FSTL4: variants seen among roughly 807,000 people sequenced by gnomAD.
FSTL4 encodes the protein follistatin-related protein 4.
A neutral mutation model predicts 78.2 loss-of-function variants in FSTL4; 28 were observed. The observed-to-expected ratio is 0.36, with a 90% CI of 0.27 to 0.49. The LOEUF is 0.49. Among genes scored for constraint, FSTL4 ranks in the 20% least tolerant of loss-of-function variants. The probability of loss-of-function intolerance (pLI) is 0.98; values close to 1 mark genes in which losing one functional copy is unlikely to be tolerated. For synonymous variants in FSTL4, 422 were observed against 440.5 expected (o/e 0.96, Z 0.53); for missense variants, 922 against 1,084.9 (o/e 0.85, Z 2.11).
the FSTL4 span, among the ~76,000 whole-genome samples, chr5:133,656,123 G>A: frequency 6.6e-6 from 1 of 152,152 alleles, no homozygotes; most frequent in Non-Finnish European, 1.5e-5. Context: ...GGATTCATGG[G>A]CAGGTAGTTT....
At chr5:133,342,108 AAAGGGAGCTGG>A (rs921982077) in intron 4 of FSTL4, among the ~76,000 whole-genome samples, 1 of 152,106 alleles carries the variant, frequency 6.6e-6, no homozygotes, top group Non-Finnish European at 1.5e-5. Flanking sequence ...GAGTGGCAGG[AAAGGGAGCTGG>A]AAGGAGAGCC....
At position 133,197,222 on chromosome 5, in the gene FSTL4, T is replaced by C. The variant is rs1236229054; in HGVS notation, c.*1873A>G. On this transcript the variant is annotated 3_prime_UTR_variant, in exon 16 of 16. Coordinates refer to ENST00000265342, the MANE Select transcript of FSTL4 (RefSeq NM_015082.2). ...TTTCCAAAAAAAAGTTTATGAAAGTTGGAGAATTTTAGTGGTAAAAATGGG... is the reference window on the plus strand; with the variant it reads ...TTTCCAAAAAAAAGTTTATGAAAGTCGGAGAATTTTAGTGGTAAAAATGGG... 2 of 151,224 alleles carry C rather than the reference T, an allele frequency of 1.3e-5. No individual in the cohort carries two copies. The highest frequency in any genetic ancestry group is 2.4e-5 in the African/African-American group (1 of 40,996). The allele number at this position is 151,224 out of a possible 1,614,324, so 9.4% of individuals were successfully genotyped here. A position where few individuals can be genotyped will look rare whatever the true frequency, so the allele number is the denominator to read the frequency against.
the FSTL4 span, among the ~76,000 whole-genome samples, chr5:133,722,147 G>A: frequency 1.3e-5 from 2 of 152,192 alleles, no homozygotes; most frequent in East Asian, 1.9e-4. Context: ...ATAGCAGGAG[G>A]TGAGTGAGTA....
chr5:133,246,303 A>T (rs1383243819), intron 7 of FSTL4, among the ~76,000 whole-genome samples: 1 of 152,080 alleles, frequency 6.6e-6, no homozygotes, highest in Non-Finnish European at 1.5e-5. Flanking sequence ...TCAGTGTTGC[A>T]CTCCTGGGCT....
At chr5:133,464,180 C>T (rs72787327) in intron 3 of FSTL4, among the ~76,000 whole-genome samples, 32,639 of 152,148 alleles carry the variant, frequency 0.21, 4,202 homozygotes, top group Admixed American at 0.3. Flanking sequence ...CCGCCCCTCC[C>T]CGTCTGCACA....
intron 6 of FSTL4, among the ~76,000 whole-genome samples, chr5:133,295,070 G>C (rs533025299): frequency 1.3e-5 from 2 of 152,014 alleles, no homozygotes; most frequent in African/African-American, 4.8e-5. Context: ...AGATCACTCC[G>C]CCTCCTCTGC....
At chr5:133,515,275 C>T (rs1018558957) in intron 3 of FSTL4, among the ~76,000 whole-genome samples, 1 of 151,972 alleles carries the variant, frequency 6.6e-6, no homozygotes, top group African/African-American at 2.4e-5. Context: ...ACCTGTAATG[C>T]CAGCACTTTG....
At chr5:133,273,880 C>T (rs1189924207) in intron 6 of FSTL4, among the ~76,000 whole-genome samples, 1 of 152,132 alleles carries the variant, frequency 6.6e-6, no homozygotes. Flanking sequence ...GCAGGAGGTG[C>T]TGACACACAG....
At chr5:133,669,340 C>A in the FSTL4 span, among the ~76,000 whole-genome samples, 1 of 152,228 alleles carries the variant, frequency 6.6e-6, no homozygotes, top group African/African-American at 2.4e-5. Context: ...AGGCTCCAGG[C>A]TGGCCACCCT....
Position 133,466,467 on chromosome 5 carries a change from A to G in FSTL4, c.161-65481T>C, listed in dbSNP as rs575026203. Among the ~76,000 whole-genome samples the G allele has an allele frequency of 9.7e-4, 148 of 152,050 alleles. No homozygotes were observed. In the Middle Eastern group the frequency reaches 0.01, roughly 10 times the overall value. On this transcript the variant is annotated intron_variant, in intron 3 of 15. Transcript: ENST00000265342. ...TGAGGCAGGAGAATGGCGTGAACCC[A>G]GGAGGCGGAGCTTGCAGTGAGCCGA... is the stretch of plus-strand genomic sequence containing the variant.
chr5:133,329,359 C>T lies in FSTL4; in HGVS notation c.410-12707G>A, dbSNP rs540212226. Among the ~76,000 whole-genome samples the T allele has an allele frequency of 1.1e-4, 16 of 151,948 alleles. No homozygotes were observed. The South Asian group carries it at 3.4e-3, about 32-fold the overall frequency. On this transcript the variant is annotated intron_variant, in intron 4 of 15. Coordinates refer to ENST00000265342, the MANE Select transcript of FSTL4 (RefSeq NM_015082.2). ...ACTTCTGCTGGCCTGGTGTATTAGT[C>T]GGGGTTCTCTTAGAGGGCCAGAACT...
chr5:133,221,920 T>G (rs963374644), intron 11 of FSTL4, among the ~76,000 whole-genome samples: 1 of 130,402 alleles, frequency 7.7e-6, no homozygotes, highest in African/African-American at 3.2e-5. Flanking sequence ...TTTTTTTTTT[T>G]TTTTTTTAGC....
chr5:133,391,208 G>A (rs1046421800), intron 4 of FSTL4, among the ~76,000 whole-genome samples: 1 of 152,154 alleles, frequency 6.6e-6, no homozygotes, highest in Admixed American at 6.5e-5. Context: ...TTCAATACAT[G>A]GTGTCATTTA....
At chr5:133,779,336 C>T in the FSTL4 span, among the ~76,000 whole-genome samples, 1 of 152,160 alleles carries the variant, frequency 6.6e-6, no homozygotes, top group East Asian at 1.9e-4. Flanking sequence ...CTTGTAATCT[C>T]AGCACTTTGG....
chr5:133,206,492 G>C (rs755634670), intron 14 of FSTL4, among the ~76,000 whole-genome samples: 1 of 152,080 alleles, frequency 6.6e-6, no homozygotes, highest in East Asian at 1.9e-4. Flanking sequence ...CTCCTGAGTC[G>C]CTGGGATTAC....
chr5:133,353,724 A>G (rs13170171), intron 4 of FSTL4, among the ~76,000 whole-genome samples: 2 of 152,188 alleles, frequency 1.3e-5, no homozygotes, highest in African/African-American at 4.8e-5. Context: ...AACTGTACAC[A>G]AGCGCACACA....
chr5:133,374,251 C>T (rs1055815718), intron 4 of FSTL4, among the ~76,000 whole-genome samples: 5 of 152,140 alleles, frequency 3.3e-5, no homozygotes, highest in Admixed American at 6.5e-5. Context: ...TTCTCCTATT[C>T]GGTCATTATG....
the FSTL4 span, among the ~76,000 whole-genome samples, chr5:133,666,956 G>T: frequency 2.0e-5 from 3 of 152,180 alleles, no homozygotes; most frequent in South Asian, 4.1e-4. Flanking sequence ...CCATCAAAAT[G>T]ATGATGATCC....
the FSTL4 span, among the ~76,000 whole-genome samples, chr5:133,835,309 G>T: frequency 6.6e-6 from 1 of 152,138 alleles, no homozygotes; most frequent in Non-Finnish European, 1.5e-5. Context: ...CCACTTTTGG[G>T]CATCTCACAG....
Sources: allele counts gnomAD v4.1 joint callset (sites outside exome capture counted in the v4.1 genomes callset), GRCh38; gene constraint gnomAD v4.1.1; transcripts MANE v1.5; gene names NCBI Gene and HGNC (gene_info 2026-07-23, HGNC 2026-07-21).